The following EPHB1 variants were observed in gnomAD, a reference collection of about 807,000 sequenced individuals.
EPHB1 encodes the protein EPH receptor B1.
In EPHB1, 30 loss-of-function variants were observed where a neutral mutation model predicts 94.4. The observed-to-expected ratio is 0.32, with a 90% CI of 0.24 to 0.43. The LOEUF is 0.43. Ranked by LOEUF, EPHB1 falls within the 20% of genes least tolerant of loss-of-function variation. The pLI is 1.00. For synonymous variants in EPHB1, 522 were observed against 489.1 expected (o/e 1.07, Z -0.89); for missense variants, 1,055 against 1,308.3 (o/e 0.81, Z 2.99).
At chr3:135,160,279 A>T (rs12636613) in intron 6 of EPHB1, among the ~76,000 whole-genome samples, 3 of 152,000 alleles carry the variant, frequency 2.0e-5, no homozygotes, top group Non-Finnish European at 4.4e-5. Context: ...CTTTGACTTC[A>T]CAAAGTAGGC....
At chr3:135,197,903 G>A (rs1277209352) in intron 11 of EPHB1, among the ~76,000 whole-genome samples, 1 of 151,892 alleles carries the variant, frequency 6.6e-6, no homozygotes, top group African/African-American at 2.4e-5. Flanking sequence ...CCAATCAACT[G>A]AGCATGTAAC....
At chr3:135,007,353 T>TA (rs979882262) in intron 3 of EPHB1, among the ~76,000 whole-genome samples, 22 of 152,344 alleles carry the variant, frequency 1.4e-4, no homozygotes, top group African/African-American at 5.1e-4. Context: ...CTCCAGCCCC[T>TA]AATCTTAGAC....
intron 1 of EPHB1, among the ~76,000 whole-genome samples, chr3:134,909,087 T>G (rs1288142311): frequency 8.9e-6 from 1 of 112,292 alleles, no homozygotes; most frequent in Admixed American, 1.3e-4. Flanking sequence ...TGCTGGCCCA[T>G]CAGAGAACAG....
intron 3 of EPHB1, among the ~76,000 whole-genome samples, chr3:135,024,283 A>G (rs1298612553): frequency 1.3e-5 from 2 of 152,224 alleles, no homozygotes; most frequent in Non-Finnish European, 2.9e-5. Context: ...ACTCGGGAAA[A>G]ATATAGAAAC....
intron 3 of EPHB1, among the ~76,000 whole-genome samples, chr3:135,058,369 C>A (rs1380067205): frequency 4.6e-5 from 7 of 152,202 alleles, no homozygotes; most frequent in Admixed American, 4.6e-4. Flanking sequence ...CTCTCCTGTC[C>A]CTTCCCTGCT....
At chr3:135,149,864 C>T (rs3821503) in intron 5 of EPHB1, among the ~76,000 whole-genome samples, 33,176 of 152,114 alleles carry the variant, frequency 0.22, 4,685 homozygotes, top group East Asian at 0.56. Flanking sequence ...ACCCGAGTGC[C>T]GCTGACTGCT....
chr3:134,892,429 A>G (rs2038003870), intron 1 of EPHB1, among the ~76,000 whole-genome samples: 1 of 152,238 alleles, frequency 6.6e-6, no homozygotes, highest in African/African-American at 2.4e-5. Flanking sequence ...TACTTGCAGC[A>G]GGGGTACCAA....
chr3:135,154,242 T>A lies in EPHB1; in HGVS notation c.1388T>A (p.Ile463Asn). The change falls in exon 6 of 16, where the codon ATC (isoleucine) becomes AAC (asparagine). Residue 463 changes from isoleucine (I) to asparagine (N), a missense_variant. Transcript: ENST00000398015. ...SWPQPEQPNGIILDYEIRYYE... is the reference protein window; with the variant it reads ...SWPQPEQPNGNILDYEIRYYE... ...CCACAGCCGGAGCAGCCCAATGGCA[T>A]CATCCTGGACTATGAGATCCGGTAC... is the stretch of plus-strand genomic sequence containing the variant. 6.2e-7 allele frequency: 1 copy of A among 1,614,012 alleles called. No homozygotes were observed. Among genetic ancestry groups the A allele is most frequent in the Non-Finnish European group, 8.5e-7 (1 of 1,179,884 alleles).
At chr3:134,859,661 G>C (rs949916766) in intron 1 of EPHB1, among the ~76,000 whole-genome samples, 2 of 152,198 alleles carry the variant, frequency 1.3e-5, no homozygotes, top group African/African-American at 2.4e-5. Context: ...GAGCCTGCCA[G>C]CTGCCCCATT....
rs1337911019 is a variant in EPHB1 at position 135,075,031 on chromosome 3, CAGG to C, written c.806-31413_806-31411del. Among the ~76,000 whole-genome samples, 3 of 152,134 alleles carry C rather than the reference CAGG, an allele frequency of 2.0e-5. No individual in the cohort carries two copies. In the East Asian group the frequency reaches 5.8e-4, roughly 29 times the overall value. ...ATAACTTTCTGGAGTTTGGTGGGAGCAGGAGGTGCCAACCAGGTTAGGAAAGAT... is the reference window on the plus strand; with the variant it reads ...ATAACTTTCTGGAGTTTGGTGGGAGCAGGTGCCAACCAGGTTAGGAAAGAT... On this transcript the variant is annotated intron_variant, in intron 3 of 15. Transcript: ENST00000398015.
intron 3 of EPHB1, among the ~76,000 whole-genome samples, chr3:135,043,991 C>A (rs189447804): frequency 6.6e-6 from 1 of 152,180 alleles, no homozygotes; most frequent in Non-Finnish European, 1.5e-5. Context: ...AATGAGAGAA[C>A]AAATAGGACA....
intron 5 of EPHB1, among the ~76,000 whole-genome samples, chr3:135,135,834 A>T (rs1940601729): frequency 6.6e-6 from 1 of 152,182 alleles, no homozygotes; most frequent in Admixed American, 6.5e-5. Flanking sequence ...AACTGCCCAA[A>T]CTGTGAAGTG....
At chr3:135,109,786 G>C (rs907919698) in intron 4 of EPHB1, among the ~76,000 whole-genome samples, 27 of 152,232 alleles carry the variant, frequency 1.8e-4, no homozygotes, top group African/African-American at 2.7e-4. Context: ...CGAGCTCGCT[G>C]TCCCTGGATG....
At chr3:135,115,559 C>T (rs768699049) in intron 4 of EPHB1, among the ~76,000 whole-genome samples, 4 of 152,050 alleles carry the variant, frequency 2.6e-5, no homozygotes, top group East Asian at 1.9e-4. Flanking sequence ...AGCTCTTTGA[C>T]GTGCTGATTT....
At chr3:135,237,283 CACA>C in intron 12 of EPHB1, among the ~76,000 whole-genome samples, 1 of 124,522 alleles carries the variant, frequency 8.0e-6, no homozygotes, top group African/African-American at 3.7e-5. Context: ...ATTCTACACA[CACA>C]CACACACACA....
chr3:134,819,305 G>T (rs1199782663), intron 1 of EPHB1, among the ~76,000 whole-genome samples: 1 of 152,056 alleles, frequency 6.6e-6, no homozygotes, highest in Non-Finnish European at 1.5e-5. Flanking sequence ...TCCCATTTGT[G>T]CATAGGTGTC....
chr3:135,119,644 GTTT>G (rs1264160802), intron 4 of EPHB1, among the ~76,000 whole-genome samples: 1 of 152,014 alleles, frequency 6.6e-6, no homozygotes, highest in Non-Finnish European at 1.5e-5. Context: ...TAGAGGTGGG[GTTT>G]TGCCATGTTG....
At chr3:134,837,589 T>C (rs2108295492) in intron 1 of EPHB1, among the ~76,000 whole-genome samples, 1 of 152,298 alleles carries the variant, frequency 6.6e-6, no homozygotes, top group South Asian at 2.1e-4. Context: ...TGAGACTGGG[T>C]GCCCTCTGGG....
At chr3:135,106,314 T>G in intron 3 of EPHB1, 134 bp from the exon 4 acceptor site, 1 of 959,010 alleles carries the variant, frequency 1.0e-6, no homozygotes, top group Non-Finnish European at 1.5e-6. Context: ...TTCCTCAACC[T>G]TAGATCTCCC....
Sources: gnomAD v4.1 joint callset for allele counts (sites outside exome capture counted in the v4.1 genomes callset) on GRCh38, gnomAD v4.1.1 for gene constraint, MANE v1.5 for transcripts, NCBI Gene and HGNC (gene_info 2026-07-23, HGNC 2026-07-21) for gene names.